The following CAMK2A variants were observed in gnomAD, a reference collection of about 807,000 sequenced individuals.
CAMK2A encodes calcium/calmodulin-dependent protein kinase type II subunit alpha.
Under a neutral mutation model 79.2 loss-of-function variants are expected in CAMK2A, and 7 were observed. The ratio of observed to expected loss-of-function variants is 0.09; its 90% CI spans 0.05 to 0.17. The LOEUF is 0.17. Ranked by LOEUF, CAMK2A falls within the 10% of genes least tolerant of loss-of-function variation. The probability of loss-of-function intolerance (pLI) is 1.00; values close to 1 mark genes in which losing one functional copy is unlikely to be tolerated. For missense variants in CAMK2A, 214 were observed against 646.4 expected (o/e 0.33, Z 7.25); for synonymous variants, 242 against 251.7 (o/e 0.96, Z 0.36).
intron 11 of CAMK2A, among the ~76,000 whole-genome samples, chr5:150,249,811 G>A (rs555742547): frequency 1.3e-5 from 2 of 152,312 alleles, no homozygotes; most frequent in South Asian, 4.1e-4. Flanking sequence ...GCCTCCCAAA[G>A]TGTTGGGATT....
At chr5:150,274,801 C>A (rs1000872915) in intron 1 of CAMK2A, among the ~76,000 whole-genome samples, 3 of 152,232 alleles carry the variant, frequency 2.0e-5, no homozygotes, top group Non-Finnish European at 4.4e-5. Context: ...ATGTGACTTC[C>A]ACACCAAGTA....
chr5:150,245,419 A>G (rs1755526216), intron 12 of CAMK2A: 2 of 583,814 alleles, frequency 3.4e-6, no homozygotes, highest in Non-Finnish European at 3.1e-6. Context: ...CCGCCTTCTC[A>G]GCAATCTCAA....
chr5:150,238,583 C>T, intron 15 of CAMK2A, 117 bp downstream of exon 15: 1 of 1,023,032 alleles, frequency 9.8e-7, no homozygotes, highest in Non-Finnish European at 1.5e-6. Flanking sequence ...CAGAGCGAAG[C>T]TCTCTGTAGA....
At chr5:150,229,969 C>T (rs1420170537) in intron 16 of CAMK2A, among the ~76,000 whole-genome samples, 1 of 152,160 alleles carries the variant, frequency 6.6e-6, no homozygotes, top group Non-Finnish European at 1.5e-5. Context: ...GAGCCAGTGA[C>T]CTTCTAGGGG....
At chr5:150,245,653 CCTA>C (rs1320116504) in intron 12 of CAMK2A, among the ~76,000 whole-genome samples, 3 of 152,228 alleles carry the variant, frequency 2.0e-5, no homozygotes, top group Non-Finnish European at 4.4e-5. Context: ...GTCAGCCCTG[CCTA>C]CTCACTCCGG....
At chr5:150,271,270 C>T (rs1204983878) in intron 2 of CAMK2A, among the ~76,000 whole-genome samples, 20 of 152,208 alleles carry the variant, frequency 1.3e-4, no homozygotes, top group Admixed American at 1.3e-3. Context: ...CTGTATAGCA[C>T]GTGGGGCTCC....
rs1757330877 is a variant in CAMK2A at position 150,284,243 on chromosome 5, T to C, written c.62+5321A>G. Among the ~76,000 whole-genome samples the C allele has an allele frequency of 6.6e-6, 1 of 152,220 alleles. No individual in the cohort carries two copies. The stretch of plus-strand genomic sequence containing the variant: ...AAGCCCTGCTAGCACCATCTTGCTA[T>C]CCCTGCACTGGGAGATGGACTCGTG... On this transcript the variant is annotated intron_variant, in intron 1 of 18. Transcript: ENST00000671881. This position sits in a 1 kb window ranked among gnomAD's most constrained non-coding sequence, Gnocchi z 5.3.
intron 7 of CAMK2A, among the ~76,000 whole-genome samples, chr5:150,253,084 G>T (rs1444330035): frequency 6.6e-6 from 1 of 152,210 alleles, no homozygotes; most frequent in African/African-American, 2.4e-5. Context: ...ATAAAATCAG[G>T]ATAATAATCT....
intron 9 of CAMK2A, among the ~76,000 whole-genome samples, chr5:150,251,035 G>A (rs1016238238): frequency 3.9e-5 from 6 of 152,246 alleles, no homozygotes; most frequent in African/African-American, 1.4e-4. Context: ...ATCTTTCTGA[G>A]ACTGTGCCTT....
chr5:150,257,540 T>A lies in CAMK2A; in HGVS notation c.272+23A>T, dbSNP rs544618476. On this transcript the variant is annotated intron_variant, in intron 4 of 18. Coordinates refer to ENST00000671881, the MANE Select transcript of CAMK2A (RefSeq NM_015981.4). Reference sequence around the variant, plus strand: ...AGGCAGCCCCAACACCGTTGGCGCATCCCAGGGCGGGGCCAAACTCACAGG... The same window carrying A: ...AGGCAGCCCCAACACCGTTGGCGCAACCCAGGGCGGGGCCAAACTCACAGG... 1.4e-5 allele frequency: 22 copies of A among 1,557,958 alleles called. No homozygotes were observed. The East Asian group carries it at 1.4e-4, about 10-fold the overall frequency.
intron 11 of CAMK2A, 52 bp downstream of exon 11, chr5:150,250,174 C>A: frequency 7.2e-7 from 1 of 1,383,404 alleles, no homozygotes; most frequent in South Asian, 1.2e-5. Flanking sequence ...CTGTGGAGAC[C>A]CAGGCAGAGC....
Position 150,239,725 on chromosome 5 carries a change from G to A in CAMK2A, c.996C>T (p.Ser332=), listed in dbSNP as rs1755255576. 2 of 1,613,820 alleles carry A rather than the reference G, an allele frequency of 1.2e-6. No individual in the cohort carries two copies. Among genetic ancestry groups the A allele is most frequent in the Non-Finnish European group, 1.7e-6 (2 of 1,179,860 alleles). ...KKSDGVKKRK[S]SSSVQLMESS... The stretch of plus-strand genomic sequence containing the variant: ...TCACCATTAACTGAACGCTGGAACT[G>A]GACTTTCTTTTCTGGAAAAACAAGG... The change falls in exon 14 of 19, where the codon TCC becomes TCT. Residue 332 remains serine, a synonymous_variant. Transcript: ENST00000671881.
Position 150,221,440 on chromosome 5 carries a change from G to GT in CAMK2A, c.*1269dup. The GT allele has an allele frequency of 2.5e-6, 1 of 398,776 alleles. No individual in the cohort carries two copies. Among genetic ancestry groups the GT allele is most frequent in the Non-Finnish European group, 4.4e-6 (1 of 226,092 alleles). 24.7% of individuals were successfully genotyped at this position (398,776 alleles called of 1,614,324 possible). On this transcript the variant is annotated 3_prime_UTR_variant, in exon 19 of 19. Coordinates refer to ENST00000671881, the MANE Select transcript of CAMK2A (RefSeq NM_015981.4). ...ACGCTCACGGGCCCCCCAGAGGTGG[G>GT]TGGGGGGTGCTGGGGGCGGCACACA... is the stretch of plus-strand genomic sequence containing the variant.
At chr5:150,266,712 G>A (rs1756527322) in intron 2 of CAMK2A, among the ~76,000 whole-genome samples, 1 of 152,100 alleles carries the variant, frequency 6.6e-6, no homozygotes, top group African/African-American at 2.4e-5. Flanking sequence ...ACTGTTCTCT[G>A]TGCCCCAGCT....
In CAMK2A at chr5:150,219,584, G is replaced by C. The variant is rs1580886362; in HGVS notation, c.*3126C>G. 1.2e-5 allele frequency: 1 copy of C among 86,122 alleles called. No individual in the cohort carries two copies. The highest frequency in any genetic ancestry group is 2.1e-5 in the Non-Finnish European group (1 of 48,566). The allele number at this position is 86,122 out of a possible 1,614,324, so 5.3% of individuals were successfully genotyped here. On this transcript the variant is annotated 3_prime_UTR_variant, in exon 19 of 19. Transcript: ENST00000671881. Reference sequence around the variant, plus strand: ...ATCCCACCCGCCCCCCCCAATAGCAGAAAGTTTGAGCAGTGTTCATTCAAG... The same window carrying C: ...ATCCCACCCGCCCCCCCCAATAGCACAAAGTTTGAGCAGTGTTCATTCAAG...
intron 12 of CAMK2A, among the ~76,000 whole-genome samples, chr5:150,247,104 C>T (rs962509369): frequency 9.1e-4 from 139 of 152,376 alleles, no homozygotes; most frequent in African/African-American, 3.0e-3. Flanking sequence ...CCACATGCCT[C>T]AGGTGATTGG....
At chr5:150,265,922 G>A (rs1208674289) in intron 2 of CAMK2A, among the ~76,000 whole-genome samples, 7 of 147,054 alleles carry the variant, frequency 4.8e-5, no homozygotes, top group African/African-American at 1.3e-4. Flanking sequence ...GCGACAGAGC[G>A]AGACTTCATC....
chr5:150,289,686 C>T lies in CAMK2A; in HGVS notation c.-61G>A, dbSNP rs1757582954. The T allele has an allele frequency of 1.4e-6, 2 of 1,398,508 alleles. No homozygotes were observed. Among genetic ancestry groups the T allele is most frequent in the Non-Finnish European group, 1.0e-6 (1 of 992,226 alleles). 86.6% of individuals were successfully genotyped at this position (1,398,508 alleles called of 1,614,324 possible). A position where few individuals can be genotyped will look rare whatever the true frequency, so the allele number is the denominator to read the frequency against. On this transcript the variant is annotated 5_prime_UTR_variant, in exon 1 of 19. Coordinates refer to ENST00000671881, the MANE Select transcript of CAMK2A (RefSeq NM_015981.4). Reference sequence around the variant, plus strand: ...GGGGACCAGGACTGAGGCGCTGCTGCTCTGCTCCCGAACCTAGGGACCACT... The same window carrying T: ...GGGGACCAGGACTGAGGCGCTGCTGTTCTGCTCCCGAACCTAGGGACCACT...
chr5:150,265,332 A>C, intron 2 of CAMK2A: 4 of 285,666 alleles, frequency 1.4e-5, no homozygotes, highest in East Asian at 6.9e-5. Context: ...GCCAGACTAA[A>C]TGGCCGACTT....
Sources: allele counts gnomAD v4.1 joint callset (sites outside exome capture counted in the v4.1 genomes callset), GRCh38; gene constraint gnomAD v4.1.1; non-coding constraint Gnocchi (gnomAD v3.1); transcripts MANE v1.5; gene names NCBI Gene and HGNC (gene_info 2026-07-23, HGNC 2026-07-21).